DMXL1: variants seen among roughly 807,000 people sequenced by gnomAD.
The protein encoded by DMXL1 is dmX-like protein 1.
Under a neutral mutation model 319.2 loss-of-function variants are expected in DMXL1, and 99 were observed. The observed-to-expected ratio is 0.31, with a 90% CI of 0.26 to 0.37. The LOEUF is 0.37. DMXL1 is among the 10% of genes least tolerant of loss of function. The pLI, the probability that DMXL1 is intolerant of heterozygous loss-of-function variation, is 1.00. For missense variants in DMXL1, 3,745 were observed against 3,595.6 expected, an observed-to-expected ratio of 1.04 and a Z score of -1.06; for synonymous variants, 1,385 against 1,235.2, an observed-to-expected ratio of 1.12 and a Z score of -2.54.
chr5:119,177,436 A>C lies in DMXL1; in HGVS notation c.6838A>C (p.Ser2280Arg), dbSNP rs1272589104. The C allele has an allele frequency of 1.2e-6, 2 of 1,609,426 alleles. No homozygotes were observed. The highest frequency in any genetic ancestry group is 1.7e-6 in the Non-Finnish European group (2 of 1,177,184). The change falls in exon 27 of 44, where the codon AGC (serine) becomes CGC (arginine). Residue 2280 changes from serine (S) to arginine (R), a missense_variant. By Grantham distance (110) the Ser-to-Arg change is moderately radical. Coordinates refer to ENST00000539542, the MANE Select transcript of DMXL1 (RefSeq NM_001290321.3). ...LPHRPSLKTG[S>R]LDEALTPNTS... ...TCATCGACCTTCTTTGAAAACAGGA[A>C]GCTTAGATGAAGCATTAACTCCCAA...
chr5:119,143,907 G>A lies in DMXL1; in HGVS notation c.2443G>A (p.Ala815Thr), dbSNP rs1333120030. The change falls in exon 14 of 44, where the codon GCA becomes ACA. Residue 815 changes from alanine (A) to threonine (T), a missense_variant. Physicochemically the swap from Ala to Thr is moderately conservative, Grantham distance 58. Coordinates refer to ENST00000539542, the MANE Select transcript of DMXL1 (RefSeq NM_001290321.3). ...QSTARPGCII[A>T]LDPITKLHGR... is the part of the protein sequence containing the mutation. ...AACAGCCAGGCCAGGATGCATTATT[G>A]CATTAGATCCCATTACCAAACTTGT... 1.9e-6 allele frequency: 3 copies of A among 1,580,330 alleles called. No homozygotes were observed. Among genetic ancestry groups the A allele is most frequent in the Admixed American group, 3.6e-5 (2 of 55,808 alleles).
intron 27 of DMXL1, 105 bp downstream of exon 27, chr5:119,177,589 G>C: frequency 1.1e-6 from 1 of 941,552 alleles, no homozygotes; most frequent in Non-Finnish European, 1.5e-6. Flanking sequence ...GTTAAATACT[G>C]TTAGAATTGA....
intron 31 of DMXL1, among the ~76,000 whole-genome samples, 173 bp downstream of exon 31, chr5:119,196,629 G>C (rs1247442028): frequency 1.3e-5 from 2 of 149,264 alleles, no homozygotes; most frequent in Non-Finnish European, 3.0e-5. Context: ...CCGTCATACT[G>C]TTAGGTGCTT....
intron 23 of DMXL1, 69 bp downstream of exon 23, chr5:119,167,933 CTA>C: frequency 6.9e-7 from 1 of 1,446,200 alleles, no homozygotes; most frequent in Non-Finnish European, 9.4e-7. Context: ...GCAGATCACT[CTA>C]TTAGGTGGTA....
At chr5:119,071,085 C>G (rs1402376847), upstream of DMXL1, 4 of 165,814 alleles carry the variant, frequency 2.4e-5, no homozygotes, top group African/African-American at 9.6e-5. Flanking sequence ...CCGCAGGGAT[C>G]CAGAGGCGCG....
intron 32 of DMXL1, among the ~76,000 whole-genome samples, chr5:119,199,316 T>C (rs963689567): frequency 3.3e-5 from 5 of 152,224 alleles, no homozygotes; most frequent in Non-Finnish European, 7.3e-5. Flanking sequence ...AGTGAGAACA[T>C]ACAGTGTTTG....
At chr5:119,078,615 G>C (rs1352860275) in intron 1 of DMXL1, among the ~76,000 whole-genome samples, 1 of 152,082 alleles carries the variant, frequency 6.6e-6, no homozygotes, top group Admixed American at 6.6e-5. Flanking sequence ...ACCATGCCCA[G>C]CTAATTTTTT....
intron 25 of DMXL1, among the ~76,000 whole-genome samples, chr5:119,173,716 G>A (rs1393729375): frequency 2.2e-5 from 3 of 136,136 alleles, no homozygotes; most frequent in African/African-American, 8.0e-5. Flanking sequence ...ATATGTGTGT[G>A]TGTATATATA....
chr5:119,220,998 A>G lies in DMXL1; in HGVS notation c.8194A>G (p.Thr2732Ala). ...TGATTTAACAGCTGTTCAAGGTACA[A>G]CTCCATATACACATAGCAATCCTGG... ...RDDLTAVQGT[T>A]PYTHSNPGTP... The change falls in exon 37 of 44, where the codon ACT (threonine) becomes GCT (alanine). Residue 2732 changes from threonine to alanine, a missense_variant. By Grantham distance (58) the Thr-to-Ala change is moderately conservative (BLOSUM62 0). Coordinates refer to ENST00000539542, the MANE Select transcript of DMXL1 (RefSeq NM_001290321.3). The G allele has an allele frequency of 6.2e-7, 1 of 1,613,774 alleles. No homozygotes were observed.
At chr5:119,176,606 A>G (rs184479600) in intron 26 of DMXL1, among the ~76,000 whole-genome samples, 2 of 152,212 alleles carry the variant, frequency 1.3e-5, no homozygotes, top group East Asian at 3.9e-4. Flanking sequence ...TCAAAATGTT[A>G]TAACCAATGA....
At position 119,149,443 on chromosome 5, in the gene DMXL1, G is replaced by A. The variant is rs780611364; in HGVS notation, c.3616G>A (p.Val1206Ile). 2.5e-5 allele frequency: 41 copies of A among 1,613,888 alleles called. No homozygotes were observed. The highest frequency in any genetic ancestry group is 3.1e-5 in the Non-Finnish European group (36 of 1,179,922). Residue 1206 changes from valine (V) to isoleucine (I), a missense_variant, in exon 18 of 44, where the codon GTT (valine) becomes ATT (isoleucine). Around this residue, in one of 4 missense-constraint regions of DMXL1, gnomAD observed 2,096 missense variants for 1,985.4 expected, o/e 1.06. Transcript: ENST00000539542. ...TGTACTATTACGAAGTGTGGACCTAGTTTCTTCTGTAGATGGCTCCCCACC... is the reference window on the plus strand; with the variant it reads ...TGTACTATTACGAAGTGTGGACCTAATTTCTTCTGTAGATGGCTCCCCACC... ...KFVLLRSVDLVSSVDGSPPFP... is the reference protein window; with the variant it reads ...KFVLLRSVDLISSVDGSPPFP...
intron 28 of DMXL1, among the ~76,000 whole-genome samples, chr5:119,187,954 C>T (rs1581220286): frequency 6.6e-6 from 1 of 152,098 alleles, no homozygotes; most frequent in East Asian, 1.9e-4. Context: ...CCGCACCCAG[C>T]CAAAAAGTGT....
At chr5:119,096,921 C>T (rs1249878392) in intron 1 of DMXL1, among the ~76,000 whole-genome samples, 1 of 152,154 alleles carries the variant, frequency 6.6e-6, no homozygotes, top group Non-Finnish European at 1.5e-5. Context: ...AACTTGAATC[C>T]TTCCTTTTTG....
intron 25 of DMXL1, among the ~76,000 whole-genome samples, chr5:119,172,355 A>G (rs1287356496): frequency 1.3e-5 from 2 of 152,316 alleles, no homozygotes; most frequent in South Asian, 4.1e-4. Flanking sequence ...TGTTAATACT[A>G]AAGAAATCCA....
intron 26 of DMXL1, among the ~76,000 whole-genome samples, chr5:119,176,784 G>T (rs1187281630): frequency 1.3e-5 from 2 of 151,940 alleles, no homozygotes; most frequent in Non-Finnish European, 2.9e-5. Flanking sequence ...TCATTCATCT[G>T]TTAGTCTTAG....
At chr5:119,182,558 A>G (rs1776965530) in intron 28 of DMXL1, among the ~76,000 whole-genome samples, 1 of 152,126 alleles carries the variant, frequency 6.6e-6, no homozygotes, top group Non-Finnish European at 1.5e-5. Context: ...GAACTAGATT[A>G]TATTTCTTTC....
At chr5:119,120,467 G>A (rs1761800574) in intron 8 of DMXL1, among the ~76,000 whole-genome samples, 1 of 152,188 alleles carries the variant, frequency 6.6e-6, no homozygotes, top group Non-Finnish European at 1.5e-5. Context: ...TATGAAAGAT[G>A]GGAATAACAA....
Position 119,129,252 on chromosome 5 carries a change from G to C in DMXL1, c.1144G>C (p.Glu382Gln), listed in dbSNP as rs2150023081. Residue 382 changes from glutamate (E) to glutamine (Q), a missense_variant, in exon 10 of 44, where the codon GAA becomes CAA. This residue lies in a region of DMXL1 where 2,096 missense variants were observed against 1,985.4 expected (regional missense o/e 1.06). Coordinates refer to ENST00000539542, the MANE Select transcript of DMXL1 (RefSeq NM_001290321.3). ...LPSITSLSLNENEEKTGPFVV... is the reference protein window; with the variant it reads ...LPSITSLSLNQNEEKTGPFVV... Reference sequence around the variant, plus strand: ...ATCTATTACATCTCTGAGTCTAAATGAAAATGAAGAGAAGACCGGACCTTT... The same window carrying C: ...ATCTATTACATCTCTGAGTCTAAATCAAAATGAAGAGAAGACCGGACCTTT... 6.2e-7 allele frequency: 1 copy of C among 1,613,214 alleles called. No individual in the cohort carries two copies. The highest frequency in any genetic ancestry group is 8.5e-7 in the Non-Finnish European group (1 of 1,179,546).
intron 31 of DMXL1, 41 bp from the exon 32 acceptor site, chr5:119,197,714 T>G (rs775359524): frequency 6.3e-7 from 1 of 1,583,692 alleles, no homozygotes. Flanking sequence ...ATATGGCATT[T>G]TACTGCATAA....
Sources: allele counts gnomAD v4.1 joint callset (sites outside exome capture counted in the v4.1 genomes callset), GRCh38; gene constraint gnomAD v4.1.1; regional missense constraint gnomAD v4.1.1; transcripts MANE v1.5; gene names NCBI Gene and HGNC (gene_info 2026-07-23, HGNC 2026-07-21).